The following ZNF33B variants were observed in gnomAD, a reference collection of about 807,000 sequenced individuals.
The protein encoded by ZNF33B is zinc finger protein 33B.
ZNF33B carries 29 observed loss-of-function variants against 45.8 expected under a neutral mutation model. The ratio of observed to expected loss-of-function variants is 0.63; its 90% confidence interval spans 0.47 to 0.86. ZNF33B has a LOEUF of 0.86. Among genes scored for constraint, ZNF33B ranks in the 40% least tolerant of loss-of-function variants. The pLI is 0.00. For missense variants in ZNF33B, 831 were observed against 909.9 expected, an observed-to-expected ratio of 0.91 and a Z score of 1.12; for synonymous variants, 305 against 307.8, an observed-to-expected ratio of 0.99 and a Z score of 0.10.
At chr10:42,574,605 CAAG>C (rs1836721077) in exon 2 of ZNF33B, 1 of 152,000 alleles carries the variant, frequency 6.6e-6, no homozygotes. Flanking sequence ...AGATGGAGGA[CAAG>C]AAGTCAGCAA....
At chr10:42,606,370 C>T (rs1265647545) in intron 4 of ZNF33B, among the ~76,000 whole-genome samples, 1 of 151,840 alleles carries the variant, frequency 6.6e-6, no homozygotes, top group Non-Finnish European at 1.5e-5. Flanking sequence ...GAGGCTGAGA[C>T]AGAAGAATCA....
intron 1 of ZNF33B, among the ~76,000 whole-genome samples, chr10:42,579,446 GTTGT>G (rs896302850): frequency 2.0e-5 from 3 of 152,174 alleles, no homozygotes; most frequent in African/African-American, 7.2e-5. Flanking sequence ...TGGTTTCTGA[GTTGT>G]TTGTGTGTAA....
chr10:42,577,313 C>T (rs1836761989), intron 1 of ZNF33B, among the ~76,000 whole-genome samples: 1 of 152,122 alleles, frequency 6.6e-6, no homozygotes, highest in African/African-American at 2.4e-5. Flanking sequence ...CTCCTCCAGT[C>T]TTTGACAGAG....
chr10:42,593,996 C>T lies in ZNF33B; in HGVS notation c.954G>A (p.Gln318=), dbSNP rs138190954. 4,671 of 1,614,106 alleles carry T rather than the reference C, an allele frequency of 2.9e-3. 10 individuals carry two copies. The highest frequency in any genetic ancestry group is 3.7e-3 in the Non-Finnish European group (4,398 of 1,179,972). The change falls in exon 5 of 5, where the codon CAG becomes CAA. Residue 318 remains glutamine, a synonymous_variant. Coordinates refer to ENST00000359467, the MANE Select transcript of ZNF33B (RefSeq NM_006955.3). ...NNFRRKLCLS[Q]LQKGDKGEKH... is the part of the protein sequence containing the mutation. Reference sequence around the variant, plus strand: ...TCTCTCCTTTATCACCTTTCTGAAGCTGTGACAGACACAATTTCCTCCTGA... The same window carrying T: ...TCTCTCCTTTATCACCTTTCTGAAGTTGTGACAGACACAATTTCCTCCTGA...
intron 4 of ZNF33B, among the ~76,000 whole-genome samples, chr10:42,626,098 G>C (rs1838794143): frequency 6.6e-6 from 1 of 152,176 alleles, no homozygotes; most frequent in African/African-American, 2.4e-5. Flanking sequence ...GATGCATACT[G>C]CATTTTGTCA....
intron 4 of ZNF33B, among the ~76,000 whole-genome samples, chr10:42,611,152 A>G (rs905035957): frequency 5.3e-5 from 8 of 152,006 alleles, no homozygotes; most frequent in African/African-American, 1.7e-4. Context: ...AGCCTGGCCA[A>G]TATGGTGAAA....
intron 4 of ZNF33B, among the ~76,000 whole-genome samples, chr10:42,607,580 A>G (rs1837916720): frequency 6.6e-6 from 1 of 152,166 alleles, no homozygotes; most frequent in Non-Finnish European, 1.5e-5. Context: ...AAATAAAAGG[A>G]ATAGAGTATC....
intron 4 of ZNF33B, among the ~76,000 whole-genome samples, chr10:42,616,072 G>A (rs953889898): frequency 6.6e-6 from 1 of 151,780 alleles, no homozygotes; most frequent in Admixed American, 6.6e-5. Context: ...TGGGTGTGGG[G>A]GCATGCAACT....
intron 4 of ZNF33B, among the ~76,000 whole-genome samples, chr10:42,609,405 G>C (rs918234585): frequency 2.0e-5 from 3 of 152,126 alleles, no homozygotes; most frequent in Non-Finnish European, 4.4e-5. Context: ...GCAATATAGT[G>C]AGGCTCTGTC....
intron 1 of ZNF33B, chr10:42,582,892 C>T (rs1460715683): frequency 2.0e-5 from 9 of 441,892 alleles, no homozygotes; most frequent in South Asian, 7.4e-5. Flanking sequence ...GAAGTAGAAA[C>T]GTCTCTTTAG....
intron 1 of ZNF33B, 124 bp from the exon 2 acceptor site, chr10:42,637,096 A>G (rs1292981869): frequency 9.3e-6 from 8 of 860,448 alleles, no homozygotes; most frequent in East Asian, 2.5e-5. Flanking sequence ...GAGAATATCA[A>G]TGTCCTCTGA....
At chr10:42,633,621 G>A (rs1839153049) in intron 2 of ZNF33B, among the ~76,000 whole-genome samples, 1 of 152,092 alleles carries the variant, frequency 6.6e-6, no homozygotes, top group Admixed American at 6.6e-5. Flanking sequence ...GGAAAGTTAG[G>A]GCAAAATAGG....
intron 4 of ZNF33B, among the ~76,000 whole-genome samples, chr10:42,599,579 T>A (rs867506032): frequency 6.6e-6 from 1 of 151,880 alleles, no homozygotes; most frequent in African/African-American, 2.4e-5. Flanking sequence ...ATATCCCATA[T>A]ATGACAAACG....
chr10:42,576,915 C>T (rs1252754400), intron 1 of ZNF33B, among the ~76,000 whole-genome samples: 1 of 151,966 alleles, frequency 6.6e-6, no homozygotes, highest in Non-Finnish European at 1.5e-5. Context: ...GCTGGATCAC[C>T]TGAGGTTAGG....
chr10:42,612,955 A>G (rs1233370857), intron 4 of ZNF33B, among the ~76,000 whole-genome samples: 1 of 152,194 alleles, frequency 6.6e-6, no homozygotes, highest in Non-Finnish European at 1.5e-5. Context: ...ATTTCAAGGA[A>G]TTACCCATTT....
intron 4 of ZNF33B, among the ~76,000 whole-genome samples, chr10:42,606,751 G>A (rs1429172461): frequency 6.7e-6 from 1 of 148,484 alleles, no homozygotes; most frequent in Non-Finnish European, 1.5e-5. Context: ...ATATACCTAT[G>A]TAACAAACCT....
At chr10:42,624,725 C>T (rs56355729) in intron 4 of ZNF33B, among the ~76,000 whole-genome samples, 10,924 of 152,142 alleles carry the variant, frequency 0.072, 747 homozygotes, top group African/African-American at 0.17. Context: ...AAGTAATTAA[C>T]TCATGGGTAG....
At chr10:42,623,569 C>T (rs73266643) in intron 4 of ZNF33B, among the ~76,000 whole-genome samples, 3,090 of 152,234 alleles carry the variant, frequency 0.02, 80 homozygotes, top group African/African-American at 0.063. Context: ...TGAAATAAGG[C>T]AGACACAAAA....
chr10:42,628,666 T>C (rs1276759172), intron 4 of ZNF33B, among the ~76,000 whole-genome samples: 1 of 152,372 alleles, frequency 6.6e-6, no homozygotes, highest in East Asian at 1.9e-4. Context: ...TATCTTTTTA[T>C]ATACTTTATC....
Sources: gnomAD v4.1 joint callset for allele counts (sites outside exome capture counted in the v4.1 genomes callset) on GRCh38, gnomAD v4.1.1 for gene constraint, MANE v1.5 for transcripts, NCBI Gene and HGNC (gene_info 2026-07-23, HGNC 2026-07-21) for gene names.